Variants in ATRNL1 observed in about 807,000 individuals in gnomAD.
ATRNL1 encodes the protein attractin like 1, also known as attractin-like protein 1.
In ATRNL1, 95 loss-of-function variants were observed where a neutral mutation model predicts 182.7. That is an observed-to-expected ratio of 0.52 (90% confidence interval 0.44 to 0.62). The LOEUF is 0.62. ATRNL1 is among the 20% of genes least tolerant of loss of function. The pLI is 0.00. For synonymous variants in ATRNL1, 576 were observed against 568.3 expected (o/e 1.01, Z -0.19); for missense variants, 1,471 against 1,679.5 (o/e 0.88, Z 2.17).
rs369784668 is a variant in ATRNL1 at position 115,326,076 on chromosome 10, C to T, written c.3038-8206C>T. 6.9e-4 allele frequency among the ~76,000 whole-genome samples: 105 copies of T among 152,116 alleles called. 2 individuals are homozygous for T. The South Asian group carries it at 0.021, about 31-fold the overall frequency. ...GAGTAAATTTTCTATGAAACAGTACCTTGCCAGGGCAACTAGGCAGGAGAA... is the reference window on the plus strand; with the variant it reads ...GAGTAAATTTTCTATGAAACAGTACTTTGCCAGGGCAACTAGGCAGGAGAA... On this transcript the variant is annotated intron_variant, in intron 18 of 28. Coordinates refer to ENST00000355044, the MANE Select transcript of ATRNL1 (RefSeq NM_207303.4).
intron 21 of ATRNL1, among the ~76,000 whole-genome samples, chr10:115,447,186 G>A (rs560927106): frequency 5.3e-5 from 8 of 151,690 alleles, no homozygotes; most frequent in African/African-American, 1.9e-4. Context: ...TTCTATTCAT[G>A]TAGTATATAT....
chr10:115,626,222 G>A (rs1306385986), intron 26 of ATRNL1, among the ~76,000 whole-genome samples: 1 of 152,150 alleles, frequency 6.6e-6, no homozygotes, highest in Non-Finnish European at 1.5e-5. Flanking sequence ...TAATCTGTAA[G>A]TTGTCAGATA....
rs115884806 is a variant in ATRNL1, at chr10:115,747,422, G to A, written c.3903+20067G>A. On this transcript the variant is annotated intron_variant, in intron 27 of 28. Transcript: ENST00000355044. Reference sequence around the variant, plus strand: ...GCCCCATCTTGCAGGTGGGAAAACTGGATCGATAACTCAGTGGTAATACTG... The same window carrying A: ...GCCCCATCTTGCAGGTGGGAAAACTAGATCGATAACTCAGTGGTAATACTG... Among the ~76,000 whole-genome samples, 1,347 of 152,130 alleles carry A rather than the reference G, an allele frequency of 8.9e-3. 32 individuals carry two copies. Among genetic ancestry groups the A allele is most frequent in the South Asian group, 0.049 (237 of 4,832 alleles).
At position 115,120,337 on chromosome 10, in the gene ATRNL1, CAG is replaced by C. The variant is rs1295453595; in HGVS notation, c.377+72_377+73del. On this transcript the variant is annotated intron_variant, in intron 2 of 28. Transcript: ENST00000355044. ...ATGATAAAGGTGATCATATTAATGTCAGAGCATTAGAGTATAATTACTTTATC... is the reference window on the plus strand; with the variant it reads ...ATGATAAAGGTGATCATATTAATGTCAGCATTAGAGTATAATTACTTTATC... 1.9e-4 allele frequency: 160 copies of C among 826,060 alleles called. 1 individual carries two copies. Among genetic ancestry groups the C allele is most frequent in the Admixed American group, 7.6e-4 (30 of 39,312 alleles). The allele number at this position is 826,060 out of a possible 1,614,324, so 51.2% of individuals were successfully genotyped here.
At chr10:115,359,068 C>T (rs1049285927) in intron 19 of ATRNL1, among the ~76,000 whole-genome samples, 2 of 151,628 alleles carry the variant, frequency 1.3e-5, no homozygotes, top group Admixed American at 6.6e-5. Flanking sequence ...TTTCAAATCT[C>T]AGCTCCAATA....
At chr10:115,825,177 A>G (rs1950399988) in intron 27 of ATRNL1, among the ~76,000 whole-genome samples, 2 of 152,164 alleles carry the variant, frequency 1.3e-5, no homozygotes, top group South Asian at 4.1e-4. Context: ...AAACTAACAC[A>G]GGAACTGAAA....
At chr10:115,136,851 A>T (rs1845536844) in intron 5 of ATRNL1, among the ~76,000 whole-genome samples, 1 of 152,202 alleles carries the variant, frequency 6.6e-6, no homozygotes, top group African/African-American at 2.4e-5. Flanking sequence ...CTACTGAAGG[A>T]CATCTTGGTT....
intron 25 of ATRNL1, among the ~76,000 whole-genome samples, chr10:115,541,430 A>G (rs1298305264): frequency 6.6e-6 from 1 of 152,198 alleles, no homozygotes; most frequent in Non-Finnish European, 1.5e-5. Context: ...AGGATGCAGA[A>G]CTATTCATAC....
intron 26 of ATRNL1, among the ~76,000 whole-genome samples, chr10:115,600,582 CTTATTA>C (rs1421523707): frequency 6.6e-6 from 1 of 152,026 alleles, no homozygotes; most frequent in African/African-American, 2.4e-5. Flanking sequence ...ACAAAGTATT[CTTATTA>C]TTGAGATGTA....
intron 8 of ATRNL1, among the ~76,000 whole-genome samples, chr10:115,174,851 G>A (rs938075523): frequency 2.0e-5 from 3 of 151,744 alleles, no homozygotes; most frequent in African/African-American, 7.3e-5. Context: ...TTAAAATTTG[G>A]CATATAGTTT....
intron 26 of ATRNL1, among the ~76,000 whole-genome samples, chr10:115,585,003 T>C (rs1298852019): frequency 6.9e-6 from 1 of 145,816 alleles, no homozygotes; most frequent in East Asian, 2.0e-4. Flanking sequence ...CATTTCGTTA[T>C]GTACCCAGTA....
At chr10:115,296,150 G>C (rs1853174077) in intron 15 of ATRNL1, among the ~76,000 whole-genome samples, 1 of 152,158 alleles carries the variant, frequency 6.6e-6, no homozygotes, top group Admixed American at 6.5e-5. Flanking sequence ...GGCTGGTGGG[G>C]ATCTTCTCCT....
At chr10:115,140,527 A>AT (rs1265625812) in intron 5 of ATRNL1, among the ~76,000 whole-genome samples, 50 of 152,136 alleles carry the variant, frequency 3.3e-4, no homozygotes, top group African/African-American at 5.1e-4. Flanking sequence ...ATTACAACAG[A>AT]TTTTTTTTCC....
chr10:115,144,047 T>C (rs1328401963), intron 5 of ATRNL1, among the ~76,000 whole-genome samples: 1 of 151,432 alleles, frequency 6.6e-6, no homozygotes, highest in African/African-American at 2.4e-5. Flanking sequence ...GTGGGCTATC[T>C]TGGCTCACTG....
chr10:115,608,321 T>C (rs1398021326), intron 26 of ATRNL1, among the ~76,000 whole-genome samples: 1 of 152,016 alleles, frequency 6.6e-6, no homozygotes, highest in African/African-American at 2.4e-5. Flanking sequence ...AAACGTACAA[T>C]TCAGAAATCT....
rs1243674996 is a variant in ATRNL1 at position 115,948,637 on chromosome 10, G to A, written c.*3858G>A. 1 of 152,144 alleles carries A rather than the reference G, an allele frequency of 6.6e-6. No homozygotes were observed. The highest frequency in any genetic ancestry group is 2.4e-5 in the African/African-American group (1 of 41,442). 9.4% of individuals were successfully genotyped at this position (152,144 alleles called of 1,614,324 possible). ...GCAAATTAGGGAAACACTGCATTGG[G>A]TCAAAGTGCTGCCTTTAATCGACCA... On this transcript the variant is annotated 3_prime_UTR_variant, in exon 29 of 29. Transcript: ENST00000355044.
chr10:115,894,503 A>C (rs1228041398), intron 28 of ATRNL1, among the ~76,000 whole-genome samples: 1 of 152,166 alleles, frequency 6.6e-6, no homozygotes, highest in Non-Finnish European at 1.5e-5. Flanking sequence ...CTCTGAAAAA[A>C]ATTGCTGGAG....
intron 26 of ATRNL1, among the ~76,000 whole-genome samples, chr10:115,654,367 C>T (rs1355096678): frequency 1.3e-5 from 2 of 151,726 alleles, no homozygotes; most frequent in African/African-American, 2.4e-5. Flanking sequence ...TTAAGGCACC[C>T]GCCACCACAC....
intron 26 of ATRNL1, among the ~76,000 whole-genome samples, chr10:115,650,779 G>T (rs782468338): frequency 1.3e-5 from 2 of 152,010 alleles, no homozygotes; most frequent in Admixed American, 1.3e-4. Context: ...AGAGCTTATG[G>T]AGTGTTGTGT....
Sources: allele counts gnomAD v4.1 joint callset (sites outside exome capture counted in the v4.1 genomes callset), GRCh38; gene constraint gnomAD v4.1.1; transcripts MANE v1.5; gene names NCBI Gene and HGNC (gene_info 2026-07-23, HGNC 2026-07-21).